PPP2R2B: variants seen among roughly 807,000 people sequenced by gnomAD.
PPP2R2B encodes serine/threonine-protein phosphatase 2A 55 kDa regulatory subunit B beta isoform.
Under a neutral mutation model 46.0 loss-of-function variants are expected in PPP2R2B, and 5 were observed. The ratio of observed to expected loss-of-function variants is 0.11; its 90% CI spans 0.06 to 0.23. The LOEUF (loss-of-function observed/expected upper bound fraction) is 0.23, where lower values mean the gene tolerates loss of function less well. Ranked by LOEUF, PPP2R2B falls within the 10% of genes least tolerant of loss-of-function variation. The probability of loss-of-function intolerance (pLI) is 1.00; values close to 1 mark genes in which losing one functional copy is unlikely to be tolerated. For missense variants in PPP2R2B, 367 were observed against 575.0 expected (o/e 0.64, Z 3.70); for synonymous variants, 215 against 206.7 (o/e 1.04, Z -0.34).
chr5:146,911,679 GTC>G (rs1412089977), intron 1 of PPP2R2B, among the ~76,000 whole-genome samples: 1 of 152,178 alleles, frequency 6.6e-6, no homozygotes, highest in Non-Finnish European at 1.5e-5. Context: ...CTTACTGCTT[GTC>G]TTCCTCATAG....
At chr5:146,833,519 C>G (rs1011201694) in intron 2 of PPP2R2B, among the ~76,000 whole-genome samples, 1 of 152,154 alleles carries the variant, frequency 6.6e-6, no homozygotes, top group Admixed American at 6.6e-5. Context: ...TTCACCTTGA[C>G]TTTACTTTCA....
intron 1 of PPP2R2B, among the ~76,000 whole-genome samples, chr5:146,976,433 G>A (rs939555998): frequency 6.6e-6 from 1 of 151,978 alleles, no homozygotes; most frequent in South Asian, 2.1e-4. Context: ...CACCATGCCC[G>A]GCCAACAGTT....
At chr5:146,787,065 G>A (rs1452489087) in intron 2 of PPP2R2B, among the ~76,000 whole-genome samples, 1 of 152,196 alleles carries the variant, frequency 6.6e-6, no homozygotes, top group Non-Finnish European at 1.5e-5. Flanking sequence ...ATCTTTAGTA[G>A]CAGATGTGGG....
chr5:147,004,933 C>T (rs1253857102), intron 1 of PPP2R2B, among the ~76,000 whole-genome samples: 4 of 152,038 alleles, frequency 2.6e-5, no homozygotes, highest in Admixed American at 6.6e-5. Context: ...TGGTGGTGGC[C>T]GTCTTAGTGT....
At chr5:146,878,810 G>T (rs1762063597), upstream of PPP2R2B, 4 of 1,274,760 alleles carry the variant, frequency 3.1e-6, 1 homozygote, top group Admixed American at 5.0e-5. The surrounding 1 kb of genome is among the most constrained non-coding windows in gnomAD (Gnocchi z 4.5). Context: ...TCCCAACCGC[G>T]TCAGCAGCCC....
chr5:147,042,571 T>C (rs1756363325), intron 1 of PPP2R2B, among the ~76,000 whole-genome samples: 1 of 152,212 alleles, frequency 6.6e-6, no homozygotes, highest in African/African-American at 2.4e-5. Flanking sequence ...CTTTTGCTGC[T>C]ACTAACCATG....
intron 2 of PPP2R2B, among the ~76,000 whole-genome samples, chr5:147,076,792 G>A (rs1189183885): frequency 1.3e-5 from 2 of 151,944 alleles, no homozygotes; most frequent in Non-Finnish European, 2.9e-5. Flanking sequence ...CCTCTTCAGT[G>A]GTGCATTTCT....
rs1033923814 is a variant in PPP2R2B, at chr5:146,588,851, A to AACTC, written c.*1092_*1095dup. ...TTAGAAGTGCCTGATTGGACTTCAC[A>AACTC]ACTCAGCGTTTTTATTGGCTATTTT... is the stretch of plus-strand genomic sequence containing the variant. On this transcript the variant is annotated 3_prime_UTR_variant, in exon 10 of 10. Transcript: ENST00000394411. 1.3e-5 allele frequency: 2 copies of AACTC among 152,158 alleles called. No individual in the cohort carries two copies. The highest frequency in any genetic ancestry group is 4.8e-5 in the African/African-American group (2 of 41,430). 9.4% of individuals were successfully genotyped at this position (152,158 alleles called of 1,614,324 possible).
At chr5:146,723,763 TC>T (rs1263605065) in intron 2 of PPP2R2B, among the ~76,000 whole-genome samples, 1 of 152,118 alleles carries the variant, frequency 6.6e-6, no homozygotes, top group African/African-American at 2.4e-5. Context: ...TCTCACTCAT[TC>T]CCATCTCTGT....
intron 1 of PPP2R2B, among the ~76,000 whole-genome samples, chr5:146,963,050 C>T (rs1222686453): frequency 6.6e-6 from 1 of 152,114 alleles, no homozygotes; most frequent in East Asian, 1.9e-4. Context: ...AGAAAAGATT[C>T]AATGTGTACA....
chr5:147,048,979 T>A (rs1125457), intron 1 of PPP2R2B, among the ~76,000 whole-genome samples: 25,711 of 151,952 alleles, frequency 0.17, 2,800 homozygotes, highest in East Asian at 0.32. Flanking sequence ...AGTAAATGGA[T>A]GTATAACAGG....
intron 2 of PPP2R2B, among the ~76,000 whole-genome samples, chr5:146,740,952 A>T (rs771370746): frequency 5.9e-5 from 9 of 151,746 alleles, no homozygotes; most frequent in Non-Finnish European, 1.2e-4. Flanking sequence ...CAGGAGAATC[A>T]CTTGAACCCG....
At chr5:147,049,678 GT>G (rs1756709724) in intron 1 of PPP2R2B, among the ~76,000 whole-genome samples, 1 of 152,120 alleles carries the variant, frequency 6.6e-6, no homozygotes, top group Non-Finnish European at 1.5e-5. Flanking sequence ...GAAAGAGTGG[GT>G]TTTGAGGCCA....
At chr5:146,728,655 CA>C (rs1236535550) in intron 2 of PPP2R2B, among the ~76,000 whole-genome samples, 2 of 152,224 alleles carry the variant, frequency 1.3e-5, no homozygotes, top group Middle Eastern at 6.8e-3. Flanking sequence ...GGGAGGGACC[CA>C]GGGGGAGTTA....
chr5:147,017,252 C>T (rs982224023), intron 1 of PPP2R2B, among the ~76,000 whole-genome samples: 61 of 151,522 alleles, frequency 4.0e-4, no homozygotes, highest in African/African-American at 1.5e-3. Flanking sequence ...GAGGGAGGAA[C>T]CTGGGTTTCT....
At chr5:146,781,103 A>T (rs1755482484) in intron 2 of PPP2R2B, among the ~76,000 whole-genome samples, 1 of 125,800 alleles carries the variant, frequency 7.9e-6, no homozygotes, top group Non-Finnish European at 1.6e-5. Flanking sequence ...CTATATAATT[A>T]TTTCACTTAC....
chr5:146,624,519 C>T lies in PPP2R2B; in HGVS notation c.790+13732G>A, dbSNP rs73317479. ...TGTCACCATCTTAGTCTAAGCCATGCTCATCTCTTACCTGGAGCACTTTGA... is the reference window on the plus strand; with the variant it reads ...TGTCACCATCTTAGTCTAAGCCATGTTCATCTCTTACCTGGAGCACTTTGA... On this transcript the variant is annotated intron_variant, in intron 7 of 9. Transcript: ENST00000394411. Among the ~76,000 whole-genome samples, 1,042 of 152,282 alleles carry T rather than the reference C, an allele frequency of 6.8e-3. 15 individuals are homozygous for T. Among genetic ancestry groups the T allele is most frequent in the African/African-American group, 0.024 (987 of 41,550 alleles).
chr5:147,018,819 C>T lies in PPP2R2B; in HGVS notation c.79+36846G>A, dbSNP rs569255225. On this transcript the variant is annotated intron_variant, in intron 1 of 8. Coordinates refer to the PPP2R2B transcript ENST00000336640. ...GATGTCCTCCTGGTGCCAGACCCAA[C>T]ACTAGGTAAAGCTACTGTGGTAAAA... 1.6e-4 allele frequency among the ~76,000 whole-genome samples: 24 copies of T among 152,202 alleles called. 1 individual carries two copies. In the South Asian group the frequency reaches 4.6e-3, roughly 29 times the overall value.
At chr5:147,070,012 A>T (rs2151910719) in intron 2 of PPP2R2B, among the ~76,000 whole-genome samples, 1 of 151,878 alleles carries the variant, frequency 6.6e-6, no homozygotes, top group East Asian at 1.9e-4. Flanking sequence ...GCTGGTCTCA[A>T]ACTCCTGACC....
Sources: gnomAD v4.1 joint callset for allele counts (sites outside exome capture counted in the v4.1 genomes callset) on GRCh38, gnomAD v4.1.1 for gene constraint, Gnocchi (gnomAD v3.1) non-coding constraint, MANE v1.5 for transcripts, NCBI Gene and HGNC (gene_info 2026-07-23, HGNC 2026-07-21) for gene names.